The following THSD7B variants were observed in gnomAD, a reference collection of about 807,000 sequenced individuals.
The protein encoded by THSD7B is thrombospondin type-1 domain-containing protein 7B.
THSD7B carries 138 observed loss-of-function variants against 213.6 expected under a neutral mutation model. The observed-to-expected ratio is 0.65, with a 90% CI of 0.56 to 0.74. The LOEUF is 0.74. Among genes scored for constraint, THSD7B ranks in the 30% least tolerant of loss-of-function variants. The probability of loss-of-function intolerance (pLI) is 0.00; values close to 1 mark genes in which losing one functional copy is unlikely to be tolerated. For synonymous variants in THSD7B, 742 were observed against 687.0 expected (o/e 1.08, Z -1.25); for missense variants, 1,931 against 1,991.5 (o/e 0.97, Z 0.58).
At chr2:137,297,582 G>A (rs1225960084) in intron 12 of THSD7B, among the ~76,000 whole-genome samples, 1 of 152,056 alleles carries the variant, frequency 6.6e-6, no homozygotes, top group Non-Finnish European at 1.5e-5. Flanking sequence ...TGTCCTTGAA[G>A]TTAGTGTTTG....
intron 12 of THSD7B, among the ~76,000 whole-genome samples, chr2:137,338,029 A>T (rs1369533066): frequency 1.3e-5 from 2 of 152,096 alleles, no homozygotes; most frequent in Non-Finnish European, 2.9e-5. Context: ...CTGTATTTTC[A>T]TTCTTAATGC....
Position 137,056,638 on chromosome 2 carries a change from G to A in THSD7B, c.358G>A (p.Ala120Thr), listed in dbSNP as rs760019674. The A allele has an allele frequency of 4.3e-6, 7 of 1,613,798 alleles. No individual in the cohort carries two copies. The highest frequency in any genetic ancestry group is 1.1e-5 in the South Asian group (1 of 91,082). ...GCACCACTGTGTGCTTGTTCCTTAC[G>A]CTCGCGGTGAAGTCAAGCCTCGGAC... Reference protein sequence around the residue: ...DWHHCVLVPYARGEVKPRTAE... With the variant: ...DWHHCVLVPYTRGEVKPRTAE... The change falls in exon 3 of 28, where the codon GCT (alanine) becomes ACT (threonine). Residue 120 changes from alanine to threonine, a missense_variant. Transcript: ENST00000409968.
At chr2:137,491,068 G>A (rs1040468542) in intron 15 of THSD7B, among the ~76,000 whole-genome samples, 11 of 152,146 alleles carry the variant, frequency 7.2e-5, no homozygotes, top group African/African-American at 2.4e-4. Context: ...ATGTGACCCC[G>A]TATTTTTAGA....
chr2:137,293,144 C>CTTTTTTTTT (rs57223493), intron 12 of THSD7B, among the ~76,000 whole-genome samples: 1 of 146,854 alleles, frequency 6.8e-6, no homozygotes. Flanking sequence ...GACAGATAGT[C>CTTTTTTTTT]TTTTTTTTTT....
chr2:137,498,148 T>C (rs1204802332), intron 15 of THSD7B, among the ~76,000 whole-genome samples: 1 of 152,206 alleles, frequency 6.6e-6, no homozygotes, highest in African/African-American at 2.4e-5. Flanking sequence ...ATCTGTTAAA[T>C]ATGTTCAGAT....
At chr2:136,989,524 A>C (rs938496600) in intron 2 of THSD7B, among the ~76,000 whole-genome samples, 1 of 152,238 alleles carries the variant, frequency 6.6e-6, no homozygotes, top group East Asian at 1.9e-4. Context: ...GAAGTTGAGC[A>C]GATGCTGGCA....
intron 1 of THSD7B, among the ~76,000 whole-genome samples, chr2:136,859,768 G>A (rs999269923): frequency 6.6e-6 from 1 of 152,236 alleles, no homozygotes; most frequent in Non-Finnish European, 1.5e-5. Flanking sequence ...TTTAAAAAGA[G>A]AAGTAGTATA....
chr2:137,655,595 C>T lies in THSD7B; in HGVS notation c.4040C>T (p.Ala1347Val), dbSNP rs758293514. ...ISHAAGRVED[A>V]LCGEMPFQDS... ...CATGCAGCTGGACGTGTCGAGGATGCACTGTGTGGAGAAATGCCCTTTCAG... is the reference window on the plus strand; with the variant it reads ...CATGCAGCTGGACGTGTCGAGGATGTACTGTGTGGAGAAATGCCCTTTCAG... Residue 1347 changes from alanine (A) to valine (V), a missense_variant, in exon 22 of 28, where the codon GCA becomes GTA. Physicochemically the swap from Ala to Val is moderately conservative, Grantham distance 64. Transcript: ENST00000409968. 2 of 1,612,912 alleles carry T rather than the reference C, an allele frequency of 1.2e-6. No homozygotes were observed. Among genetic ancestry groups the T allele is most frequent in the South Asian group, 2.2e-5 (2 of 90,746 alleles).
intron 7 of THSD7B, among the ~76,000 whole-genome samples, chr2:137,188,133 A>C (rs1168467561): frequency 6.6e-6 from 1 of 152,178 alleles, no homozygotes; most frequent in Non-Finnish European, 1.5e-5. Flanking sequence ...ACAATGTAGG[A>C]ATCAAGATGT....
intron 13 of THSD7B, among the ~76,000 whole-genome samples, chr2:137,410,828 T>C (rs1220278401): frequency 2.0e-5 from 3 of 152,208 alleles, no homozygotes; most frequent in Admixed American, 2.0e-4. Flanking sequence ...TTATTAGATC[T>C]AGGAAAATTT....
intron 1 of THSD7B, among the ~76,000 whole-genome samples, chr2:136,868,153 T>C (rs939103764): frequency 6.6e-6 from 1 of 151,924 alleles, no homozygotes; most frequent in African/African-American, 2.4e-5. Flanking sequence ...TCCTTGAAGA[T>C]GCAAGTTGAA....
At chr2:137,105,101 A>G (rs1688222014) in intron 4 of THSD7B, among the ~76,000 whole-genome samples, 2 of 152,206 alleles carry the variant, frequency 1.3e-5, no homozygotes, top group Non-Finnish European at 2.9e-5. Flanking sequence ...CAGAGACACA[A>G]CAACAACAAA....
chr2:137,577,482 C>T (rs552967485), intron 17 of THSD7B, among the ~76,000 whole-genome samples: 10 of 152,168 alleles, frequency 6.6e-5, no homozygotes, highest in Non-Finnish European at 1.5e-4. Context: ...TTCCATCTGT[C>T]TCTCCCTTTG....
At chr2:136,965,238 T>C (rs751763921) in intron 2 of THSD7B, among the ~76,000 whole-genome samples, 2 of 152,206 alleles carry the variant, frequency 1.3e-5, no homozygotes, top group Non-Finnish European at 2.9e-5. Context: ...ATTCTCTGAA[T>C]AGGCCCTTTT....
At chr2:137,608,780 T>C (rs1239513406) in intron 17 of THSD7B, among the ~76,000 whole-genome samples, 1 of 152,218 alleles carries the variant, frequency 6.6e-6, no homozygotes, top group African/African-American at 2.4e-5. Context: ...CAGATATGTA[T>C]GCCTTGTTAA....
intron 15 of THSD7B, among the ~76,000 whole-genome samples, chr2:137,456,801 G>A (rs563963227): frequency 1.3e-5 from 2 of 152,280 alleles, no homozygotes; most frequent in South Asian, 2.1e-4. Context: ...CTATTTGGGA[G>A]GATTTAATTT....
At chr2:137,026,113 A>G (rs1686549924) in intron 2 of THSD7B, among the ~76,000 whole-genome samples, 1 of 152,174 alleles carries the variant, frequency 6.6e-6, no homozygotes, top group African/African-American at 2.4e-5. Flanking sequence ...GCGCTAATAT[A>G]GAATGATAGA....
At chr2:137,620,813 A>T in intron 20 of THSD7B, 87 bp downstream of exon 20, 1 of 1,158,182 alleles carries the variant, frequency 8.6e-7, no homozygotes, top group Non-Finnish European at 1.3e-6. Context: ...GGCATAAGGT[A>T]TGGGACCCAG....
intron 12 of THSD7B, among the ~76,000 whole-genome samples, chr2:137,371,030 A>C (rs1012231847): frequency 1.3e-5 from 2 of 152,092 alleles, no homozygotes; most frequent in Admixed American, 6.6e-5. Flanking sequence ...AGAACAAACA[A>C]AATTTTTTAC....
Sources: allele counts gnomAD v4.1 joint callset (sites outside exome capture counted in the v4.1 genomes callset), GRCh38; gene constraint gnomAD v4.1.1; transcripts MANE v1.5; gene names NCBI Gene and HGNC (gene_info 2026-07-23, HGNC 2026-07-21).